Variants in SLC1A2 observed in about 807,000 individuals in gnomAD.
The protein encoded by SLC1A2 is excitatory amino acid transporter 2.
A neutral mutation model predicts 48.8 loss-of-function variants in SLC1A2; 15 were observed. That is an observed-to-expected ratio of 0.31 (90% CI 0.21 to 0.47). The LOEUF is 0.47. Ranked by LOEUF, SLC1A2 falls within the 20% of genes least tolerant of loss-of-function variation. The probability of loss-of-function intolerance (pLI) is 0.99; values close to 1 mark genes in which losing one functional copy is unlikely to be tolerated. For missense variants in SLC1A2, 502 were observed against 730.5 expected, an observed-to-expected ratio of 0.69 and a Z score of 3.61; for synonymous variants, 279 against 272.6, an observed-to-expected ratio of 1.02 and a Z score of -0.23.
chr11:35,372,276 C>G (rs747078271), intron 1 of SLC1A2, among the ~76,000 whole-genome samples: 12 of 152,210 alleles, frequency 7.9e-5, no homozygotes, highest in Non-Finnish European at 1.5e-4. Context: ...ACTTACAGAG[C>G]CTTCATCAAC....
intron 8 of SLC1A2, chr11:35,282,002 C>G (rs992300074): frequency 2.0e-5 from 3 of 152,030 alleles, no homozygotes; most frequent in African/African-American, 7.3e-5. Context: ...TCAACTAAAT[C>G]CAGGCCATCA....
At chr11:35,278,251 C>T (rs1414065194) in intron 9 of SLC1A2, among the ~76,000 whole-genome samples, 2 of 149,384 alleles carry the variant, frequency 1.3e-5, no homozygotes, top group Non-Finnish European at 3.0e-5. Flanking sequence ...CAGGGAGCCA[C>T]TTCTTACTTC....
intron 1 of SLC1A2, among the ~76,000 whole-genome samples, chr11:35,382,846 C>T (rs1371162022): frequency 1.3e-5 from 2 of 151,794 alleles, no homozygotes; most frequent in Non-Finnish European, 2.9e-5. Flanking sequence ...CTAGATCATG[C>T]TTTAGACCTT....
At chr11:35,389,424 A>G (rs1854690121) in intron 1 of SLC1A2, among the ~76,000 whole-genome samples, 1 of 146,738 alleles carries the variant, frequency 6.8e-6, no homozygotes, top group Non-Finnish European at 1.5e-5. Flanking sequence ...GTTTTTAACT[A>G]TTAGTATTTT....
At chr11:35,290,194 A>T (rs1222387329) in intron 7 of SLC1A2, among the ~76,000 whole-genome samples, 1 of 152,224 alleles carries the variant, frequency 6.6e-6, no homozygotes. Flanking sequence ...TGTGCATACC[A>T]TTTGACTCTG....
At chr11:35,276,066 T>C (rs979671553) in intron 9 of SLC1A2, among the ~76,000 whole-genome samples, 1 of 152,236 alleles carries the variant, frequency 6.6e-6, no homozygotes, top group African/African-American at 2.4e-5. Flanking sequence ...TTAAAAGGAA[T>C]GCTCGTGCTT....
intron 1 of SLC1A2, among the ~76,000 whole-genome samples, chr11:35,362,595 C>T (rs1017706574): frequency 6.6e-6 from 1 of 152,134 alleles, no homozygotes; most frequent in African/African-American, 2.4e-5. Flanking sequence ...TCCATCAATA[C>T]ATGTGAAAGT....
chr11:35,305,098 C>T (rs1340810299), intron 5 of SLC1A2, among the ~76,000 whole-genome samples: 1 of 152,154 alleles, frequency 6.6e-6, no homozygotes, highest in Admixed American at 6.5e-5. Context: ...GCCAAATGCC[C>T]CTATTTCCTG....
At chr11:35,379,291 T>C (rs1217525159) in intron 1 of SLC1A2, among the ~76,000 whole-genome samples, 2 of 152,230 alleles carry the variant, frequency 1.3e-5, no homozygotes, top group African/African-American at 2.4e-5. Context: ...TCTATGTAAA[T>C]GCCAGCCTTT....
chr11:35,259,737 G>A lies in SLC1A2; in HGVS notation c.*1157C>T, dbSNP rs545878173. The A allele has an allele frequency of 1.3e-5, 2 of 152,292 alleles. No homozygotes were observed. 9.4% of individuals were successfully genotyped at this position (152,292 alleles called of 1,614,324 possible). ...CTGAGAAGACTGAGGAGGAAGACTG[G>A]CTCTGCTTCCAACTGTGTCCTATAA... is the stretch of plus-strand genomic sequence containing the variant. On this transcript the variant is annotated 3_prime_UTR_variant, in exon 11 of 11. Coordinates refer to ENST00000278379, the MANE Select transcript of SLC1A2 (RefSeq NM_004171.4).
At chr11:35,267,590 T>A (rs1850131835) in intron 9 of SLC1A2, among the ~76,000 whole-genome samples, 1 of 152,168 alleles carries the variant, frequency 6.6e-6, no homozygotes, top group Non-Finnish European at 1.5e-5. Context: ...CCCTATTTAA[T>A]AGCACAACAA....
chr11:35,273,847 AC>A (rs1850359254), intron 9 of SLC1A2, among the ~76,000 whole-genome samples: 1 of 152,236 alleles, frequency 6.6e-6, no homozygotes, highest in Non-Finnish European at 1.5e-5. Flanking sequence ...CTCTAGAGAC[AC>A]AATTGGTTTT....
intron 1 of SLC1A2, among the ~76,000 whole-genome samples, chr11:35,339,134 G>T (rs1057503582): frequency 1.3e-5 from 2 of 152,202 alleles, no homozygotes; most frequent in Non-Finnish European, 2.9e-5. Flanking sequence ...AAAGAGTGAT[G>T]TCATAGCCAT....
At position 35,259,327 on chromosome 11, in the gene SLC1A2, A is replaced by C. The variant is rs1950359550; in HGVS notation, c.*1567T>G. On this transcript the variant is annotated 3_prime_UTR_variant, in exon 11 of 11. Coordinates refer to ENST00000278379, the MANE Select transcript of SLC1A2 (RefSeq NM_004171.4). Reference sequence around the variant, plus strand: ...CATATAATACAGCCTATTCTCACCTATAAACAAGGTTCTACATACTTCTTA... The same window carrying C: ...CATATAATACAGCCTATTCTCACCTCTAAACAAGGTTCTACATACTTCTTA... 6.6e-6 allele frequency: 1 copy of C among 152,610 alleles called. No individual in the cohort carries two copies. Among genetic ancestry groups the C allele is most frequent in the Non-Finnish European group, 1.5e-5 (1 of 68,028 alleles). The allele number at this position is 152,610 out of a possible 1,614,324, so 9.5% of individuals were successfully genotyped here. A position where few individuals can be genotyped will look rare whatever the true frequency, so the allele number is the denominator to read the frequency against.
intron 1 of SLC1A2, among the ~76,000 whole-genome samples, chr11:35,404,023 C>A (rs1855211528): frequency 7.0e-6 from 1 of 143,770 alleles, no homozygotes; most frequent in African/African-American, 2.5e-5. Context: ...AGGCAGTGTG[C>A]CCTTTACCAA....
intron 8 of SLC1A2, among the ~76,000 whole-genome samples, chr11:35,284,748 C>A (rs1055582622): frequency 2.6e-5 from 4 of 152,150 alleles, no homozygotes; most frequent in African/African-American, 9.7e-5. Context: ...ATAGATCAAG[C>A]AAAGGCTCTG....
chr11:35,278,321 G>A (rs1007581476), intron 9 of SLC1A2, among the ~76,000 whole-genome samples: 2 of 144,810 alleles, frequency 1.4e-5, no homozygotes, highest in Non-Finnish European at 3.0e-5. Context: ...TGTTGCCCAG[G>A]CTGGAGTGCA....
rs1950243701 is a variant in SLC1A2 at position 35,251,867 on chromosome 11, A to G, written c.*9027T>C. The G allele has an allele frequency of 6.6e-6, 1 of 152,612 alleles. No individual in the cohort carries two copies. Among genetic ancestry groups the G allele is most frequent in the Non-Finnish European group, 1.5e-5 (1 of 68,030 alleles). The allele number at this position is 152,612 out of a possible 1,614,324, so 9.5% of individuals were successfully genotyped here. ...TTCTTCTCTGTCCTTGGGGAGGAGA[A>G]AGGGGTTACAGGAACTATAGACCTC... On this transcript the variant is annotated 3_prime_UTR_variant, in exon 11 of 11. Transcript: ENST00000278379.
intron 1 of SLC1A2, among the ~76,000 whole-genome samples, chr11:35,334,637 C>A (rs1363962179): frequency 1.3e-5 from 2 of 152,256 alleles, no homozygotes; most frequent in South Asian, 4.2e-4. Flanking sequence ...ATCTTCTCTG[C>A]ATGGCCCCTT....
Sources: allele counts gnomAD v4.1 joint callset (sites outside exome capture counted in the v4.1 genomes callset), GRCh38; gene constraint gnomAD v4.1.1; transcripts MANE v1.5; gene names NCBI Gene and HGNC (gene_info 2026-07-23, HGNC 2026-07-21).